The following ERRFI1 variants were observed in gnomAD, a reference collection of about 807,000 sequenced individuals.
ERRFI1 encodes the protein mitogen-inducible gene 6 protein.
Under a neutral mutation model 14.6 loss-of-function variants are expected in ERRFI1, and 12 were observed. That is an observed-to-expected ratio of 0.82 (90% CI 0.53 to 1.33). The LOEUF (loss-of-function observed/expected upper bound fraction) is 1.33. Among genes scored for constraint, ERRFI1 ranks in the 40% most tolerant of loss-of-function variants. ERRFI1 has a pLI of 0.00. For missense variants in ERRFI1, 482 were observed against 572.1 expected (o/e 0.84, Z 1.61); for synonymous variants, 202 against 209.9 (o/e 0.96, Z 0.32).
rs781669847 is a variant in ERRFI1, at chr1:8,014,241, C to T, written c.358G>A (p.Val120Met). The T allele has an allele frequency of 1.2e-6, 2 of 1,614,150 alleles. No individual in the cohort carries two copies. The highest frequency in any genetic ancestry group is 3.3e-5 in the Admixed American group (2 of 60,018). The change falls in exon 4 of 4, where the codon GTG becomes ATG. Residue 120 changes from valine (V) to methionine (M), a missense_variant. Physicochemically the swap from Val to Met is conservative, Grantham distance 21 (BLOSUM62 1). Transcript: ENST00000377482. ...QVVCGFKKLT[V>M]NGVCASTPPL... ...GGGGTGGAAGCACAAACCCCATTCA[C>T]TGTGAGTTTCTTAAAACCACATACA...
At chr1:8,020,840 C>T (rs915568463) in intron 1 of ERRFI1, among the ~76,000 whole-genome samples, 6 of 152,218 alleles carry the variant, frequency 3.9e-5, no homozygotes, top group South Asian at 2.1e-4. Flanking sequence ...ATACCACGCC[C>T]GGCCCAGATT....
Position 8,013,600 on chromosome 1 carries a change from C to T in ERRFI1, c.999G>A (p.Pro333=), listed in dbSNP as rs769614751. The change falls in exon 4 of 4, where the codon CCG becomes CCA. Residue 333 remains proline (P), a synonymous_variant. Coordinates refer to ENST00000377482, the MANE Select transcript of ERRFI1 (RefSeq NM_018948.4). The surrounding 1 kb of genome is among the most constrained non-coding windows in gnomAD (Gnocchi z 4.3). The part of the protein sequence containing the change: ...EPLSPSNSRT[P]SPKSLPSYLN... ...GGTAAGACGGAAGGCTTTTGGGACT[C>T]GGTGTGCGCGAGTTACTCGGTGACA... 9 of 1,613,952 alleles carry T rather than the reference C, an allele frequency of 5.6e-6. No individual in the cohort carries two copies. Among genetic ancestry groups the T allele is most frequent in the African/African-American group, 4.0e-5 (3 of 74,882 alleles).
intron 2 of ERRFI1, 24 bp downstream of exon 2, chr1:8,015,471 A>C: frequency 6.2e-7 from 1 of 1,614,154 alleles, no homozygotes; most frequent in Non-Finnish European, 8.5e-7. Flanking sequence ...TCCAGATTAC[A>C]GCAGCATTAC....
chr1:8,025,037 A>G (rs148646069), intron 1 of ERRFI1, among the ~76,000 whole-genome samples: 125 of 152,258 alleles, frequency 8.2e-4, no homozygotes, highest in African/African-American at 2.8e-3. Context: ...TCTGGAAGGG[A>G]AAAAAAGGGC....
chr1:8,020,552 A>ATTT (rs36053481), intron 1 of ERRFI1, among the ~76,000 whole-genome samples: 2,397 of 134,128 alleles, frequency 0.018, 95 homozygotes, highest in African/African-American at 0.062. Context: ...AAAAACACCA[A>ATTT]TTTTTTTTTT....
chr1:8,024,986 C>T (rs1641324062), intron 1 of ERRFI1, among the ~76,000 whole-genome samples: 1 of 151,944 alleles, frequency 6.6e-6, no homozygotes, highest in Non-Finnish European at 1.5e-5. Flanking sequence ...ATGTGTGTAC[C>T]CACTGCATTC....
In ERRFI1 at chr1:8,011,991, C is replaced by T. The variant is rs1641091406; in HGVS notation, c.*1219G>A. The T allele has an allele frequency of 4.4e-6, 1 of 229,062 alleles. No individual in the cohort carries two copies. Among genetic ancestry groups the T allele is most frequent in the Admixed American group, 5.7e-5 (1 of 17,646 alleles). 14.2% of individuals were successfully genotyped at this position (229,062 alleles called of 1,614,324 possible). ...AGTAATGTACCTCTGTTAGTGAGCA[C>T]CTTCTCTTCTGTGCTTATCTCTTCA... On this transcript the variant is annotated 3_prime_UTR_variant, in exon 4 of 4. Transcript: ENST00000377482.
rs1392580099 is a variant in ERRFI1, at chr1:8,012,878, A to G, written c.*332T>C. The G allele has an allele frequency of 3.3e-6, 1 of 302,294 alleles. No individual in the cohort carries two copies. The highest frequency in any genetic ancestry group is 2.1e-5 in the African/African-American group (1 of 47,318). The allele number at this position is 302,294 out of a possible 1,614,324, so 18.7% of individuals were successfully genotyped here. ...TATATATTACTCTACGATAGTAACT[A>G]ATTGGTTAACCTGCAGCTATGGTCT... On this transcript the variant is annotated 3_prime_UTR_variant, in exon 4 of 4. Transcript: ENST00000377482.
chr1:8,021,077 G>A (rs574519341), intron 1 of ERRFI1, among the ~76,000 whole-genome samples: 103 of 152,306 alleles, frequency 6.8e-4, no homozygotes, highest in African/African-American at 2.4e-3. Flanking sequence ...ATAGTTCAGT[G>A]TGGCAAAGAT....
chr1:8,017,814 GCCT>G (rs1641200309), intron 1 of ERRFI1, among the ~76,000 whole-genome samples: 2 of 152,304 alleles, frequency 1.3e-5, no homozygotes, highest in South Asian at 2.1e-4. Flanking sequence ...CTGTGTGTCA[GCCT>G]CCTAATGCCA....
chr1:8,023,046 G>C (rs571580969), intron 1 of ERRFI1, among the ~76,000 whole-genome samples: 1 of 152,314 alleles, frequency 6.6e-6, no homozygotes, highest in South Asian at 2.1e-4. Flanking sequence ...AGGCCTCTCT[G>C]AGTAGGTGAC....
intron 1 of ERRFI1, among the ~76,000 whole-genome samples, chr1:8,017,292 C>G (rs1017174992): frequency 1.3e-5 from 2 of 152,138 alleles, no homozygotes; most frequent in African/African-American, 4.8e-5. Context: ...GACTGGTTCT[C>G]TGCATTTTAC....
Position 8,013,180 on chromosome 1 carries a change from G to A in ERRFI1, c.*30C>T, listed in dbSNP as rs766119636. The A allele has an allele frequency of 1.9e-5, 29 of 1,546,694 alleles. No individual in the cohort carries two copies. Among genetic ancestry groups the A allele is most frequent in the Middle Eastern group, 3.5e-4 (2 of 5,768 alleles). On this transcript the variant is annotated 3_prime_UTR_variant, in exon 4 of 4. Transcript: ENST00000377482. The surrounding 1 kb of genome is among the most constrained non-coding windows in gnomAD (Gnocchi z 4.3). ...AAAATTGAGAACCATTTGCTCCTAT[G>A]TAACCTCTGCTGAACCATGACCCCA...
rs1641144847 is a variant in ERRFI1 at position 8,014,559 on chromosome 1, T to C, written c.203-163A>G. The C allele has an allele frequency of 4.8e-6, 3 of 623,542 alleles. No individual in the cohort carries two copies. The South Asian group carries it at 6.4e-5, about 13-fold the overall frequency. 38.6% of individuals were successfully genotyped at this position (623,542 alleles called of 1,614,324 possible). A position where few individuals can be genotyped will look rare whatever the true frequency, so the allele number is the denominator to read the frequency against. On this transcript the variant is annotated intron_variant, in intron 3 of 3. Coordinates refer to ENST00000377482, the MANE Select transcript of ERRFI1 (RefSeq NM_018948.4). ...CCCATGCAACCACCACAGGTGTAAT[T>C]AGAGAGCAGAAGATTCTTAACGCAC...
intron 1 of ERRFI1, among the ~76,000 whole-genome samples, chr1:8,017,812 C>A (rs1641200235): frequency 6.6e-6 from 1 of 152,222 alleles, no homozygotes; most frequent in Non-Finnish European, 1.5e-5. Flanking sequence ...TACTGTGTGT[C>A]AGCCTCCTAA....
chr1:8,022,173 T>C (rs1641282402), intron 1 of ERRFI1, among the ~76,000 whole-genome samples: 1 of 152,176 alleles, frequency 6.6e-6, no homozygotes, highest in Non-Finnish European at 1.5e-5. Context: ...AAACAACTAT[T>C]TTGAAGCCCT....
At chr1:8,025,518 G>A (rs1641332341) in intron 1 of ERRFI1, among the ~76,000 whole-genome samples, 1 of 152,216 alleles carries the variant, frequency 6.6e-6, no homozygotes, top group Non-Finnish European at 1.5e-5. Flanking sequence ...GTCGCTGTGA[G>A]ATTAGGCAGA....
At chr1:8,020,247 G>A (rs1641256639) in intron 1 of ERRFI1, among the ~76,000 whole-genome samples, 1 of 152,092 alleles carries the variant, frequency 6.6e-6, no homozygotes, top group African/African-American at 2.4e-5. Flanking sequence ...ATTTAAGAGT[G>A]TGATGTAATT....
intron 1 of ERRFI1, among the ~76,000 whole-genome samples, chr1:8,020,632 C>T (rs1020791452): frequency 6.7e-6 from 1 of 150,372 alleles, no homozygotes; most frequent in Non-Finnish European, 1.5e-5. Context: ...ACAATCTCCA[C>T]CTCCCAGGTT....
Sources: gnomAD v4.1 joint callset for allele counts (sites outside exome capture counted in the v4.1 genomes callset) on GRCh38, gnomAD v4.1.1 for gene constraint, Gnocchi (gnomAD v3.1) non-coding constraint, MANE v1.5 for transcripts, NCBI Gene and HGNC (gene_info 2026-07-23, HGNC 2026-07-21) for gene names.